BACH2: variants seen among roughly 807,000 people sequenced by gnomAD.
The protein encoded by BACH2 is transcription regulator protein BACH2.
BACH2 carries 5 observed loss-of-function variants against 61.8 expected under a neutral mutation model. The ratio of observed to expected loss-of-function variants is 0.08; its 90% CI spans 0.04 to 0.17. The LOEUF is 0.17. Among genes scored for constraint, BACH2 ranks in the 10% least tolerant of loss-of-function variants. The pLI, the probability that BACH2 is intolerant of heterozygous loss-of-function variation, is 1.00. For synonymous variants in BACH2, 446 were observed against 440.1 expected (o/e 1.01, Z -0.17); for missense variants, 824 against 1,091.1 (o/e 0.76, Z 3.45).
chr6:90,116,903 C>A (rs1160834897), intron 4 of BACH2: 1 of 558,810 alleles, frequency 1.8e-6, no homozygotes, highest in African/African-American at 2.0e-5. Context: ...TTTTTTCTGT[C>A]TTTTCTCTGA....
At chr6:90,221,421 T>A (rs1769730204) in intron 3 of BACH2, among the ~76,000 whole-genome samples, 1 of 152,274 alleles carries the variant, frequency 6.6e-6, no homozygotes, top group South Asian at 2.1e-4. Flanking sequence ...ATGATCAAGG[T>A]CTGATGTATA....
rs55909084 is a variant in BACH2 at position 89,930,114 on chromosome 6, G to GACACACACACAC, written c.*2282_*2293dup. On this transcript the variant is annotated 3_prime_UTR_variant, in exon 9 of 9. Transcript: ENST00000257749. ...CAGAGCTTTATCAAGATCTGTTTCA[G>GACACACACACAC]ACACACACACACACACACACACACA... 5.4e-4 allele frequency: 64 copies of GACACACACACAC among 118,984 alleles called. 1 individual carries two copies. The highest frequency in any genetic ancestry group is 1.7e-3 in the African/African-American group (52 of 30,074). 7.4% of individuals were successfully genotyped at this position (118,984 alleles called of 1,614,324 possible).
At chr6:90,128,076 A>G (rs1356216158) in intron 4 of BACH2, among the ~76,000 whole-genome samples, 1 of 152,046 alleles carries the variant, frequency 6.6e-6, no homozygotes, top group African/African-American at 2.4e-5. Flanking sequence ...CAGGTGCCCA[A>G]AGAGCTCTTC....
At chr6:90,159,418 A>G (rs956667457) in intron 4 of BACH2, among the ~76,000 whole-genome samples, 2 of 152,250 alleles carry the variant, frequency 1.3e-5, no homozygotes, top group Non-Finnish European at 2.9e-5. Flanking sequence ...AAACATCCTA[A>G]AAGTAAAATA....
chr6:90,044,338 G>C (rs1384664768), intron 5 of BACH2, among the ~76,000 whole-genome samples: 2 of 152,172 alleles, frequency 1.3e-5, no homozygotes, highest in African/African-American at 2.4e-5. Flanking sequence ...GAAATAAACA[G>C]CTGGTTCAAT....
intron 3 of BACH2, among the ~76,000 whole-genome samples, chr6:90,210,247 C>T (rs571831463): frequency 2.0e-5 from 3 of 151,718 alleles, no homozygotes; most frequent in East Asian, 1.9e-4. Flanking sequence ...CATTTCAAGA[C>T]GCTATGGAAA....
intron 4 of BACH2, among the ~76,000 whole-genome samples, chr6:90,122,270 C>T (rs1582389547): frequency 6.6e-6 from 1 of 152,190 alleles, no homozygotes; most frequent in South Asian, 2.1e-4. Flanking sequence ...GAGAAACCTC[C>T]TCCTCAACTA....
chr6:90,060,663 G>T (rs2127798355), intron 5 of BACH2, among the ~76,000 whole-genome samples: 1 of 151,854 alleles, frequency 6.6e-6, no homozygotes, highest in African/African-American at 2.4e-5. Context: ...TAGTTTTGCT[G>T]ATTTTCACTC....
At chr6:90,267,967 A>G (rs912632230) in intron 2 of BACH2, among the ~76,000 whole-genome samples, 1 of 151,944 alleles carries the variant, frequency 6.6e-6, no homozygotes, top group African/African-American at 2.4e-5. Flanking sequence ...TAAAATAGAA[A>G]AAGTTTAAGT....
chr6:90,260,344 T>C (rs1771116670), intron 2 of BACH2, among the ~76,000 whole-genome samples: 1 of 152,242 alleles, frequency 6.6e-6, no homozygotes, highest in South Asian at 2.1e-4. Context: ...ATGTTCCAGA[T>C]ATTTGTGAAT....
At position 90,015,268 on chromosome 6, in the gene BACH2, T is replaced by C. The variant is rs568369447; in HGVS notation, c.-12-6412A>G. Reference sequence around the variant, plus strand: ...AGTTTTTTTAAATTATTCTATTTTCTAGTTTGCTGATCTCTATTCTCATTG... The same window carrying C: ...AGTTTTTTTAAATTATTCTATTTTCCAGTTTGCTGATCTCTATTCTCATTG... On this transcript the variant is annotated intron_variant, in intron 5 of 8. Coordinates refer to ENST00000257749, the MANE Select transcript of BACH2 (RefSeq NM_021813.4). 3.5e-4 allele frequency among the ~76,000 whole-genome samples: 53 copies of C among 152,284 alleles called. No homozygotes were observed. The Middle Eastern group carries it at 0.017, about 49-fold the overall frequency.
chr6:90,183,388 C>T (rs901082736), intron 4 of BACH2, among the ~76,000 whole-genome samples: 1 of 152,208 alleles, frequency 6.6e-6, no homozygotes, highest in Non-Finnish European at 1.5e-5. Flanking sequence ...AAACTGTTGA[C>T]TGGCTGTAGG....
At chr6:90,110,357 T>C (rs1281228240) in intron 4 of BACH2, among the ~76,000 whole-genome samples, 3 of 152,254 alleles carry the variant, frequency 2.0e-5, no homozygotes, top group African/African-American at 4.8e-5. Context: ...TATTGGTCTA[T>C]CTTGCGCTTT....
At chr6:90,128,863 C>A (rs963195167) in intron 4 of BACH2, among the ~76,000 whole-genome samples, 1 of 152,086 alleles carries the variant, frequency 6.6e-6, no homozygotes, top group African/African-American at 2.4e-5. Context: ...ACATATACAC[C>A]ATGGAATACT....
chr6:90,229,293 T>C (rs1010233958), intron 3 of BACH2, among the ~76,000 whole-genome samples: 13 of 152,146 alleles, frequency 8.5e-5, no homozygotes, highest in African/African-American at 3.1e-4. Context: ...ACCCCGTCTA[T>C]ACTAAAAATA....
At chr6:90,262,086 C>A (rs1309325140) in intron 2 of BACH2, among the ~76,000 whole-genome samples, 1 of 152,182 alleles carries the variant, frequency 6.6e-6, no homozygotes, top group Non-Finnish European at 1.5e-5. Context: ...CCACTGACTA[C>A]AGGATGAAGG....
chr6:89,991,467 G>A (rs775700069), intron 6 of BACH2, among the ~76,000 whole-genome samples: 6 of 152,014 alleles, frequency 3.9e-5, no homozygotes, highest in African/African-American at 7.3e-5. Flanking sequence ...TCACGTAAGC[G>A]TGCACGCGCA....
chr6:90,284,395 C>T (rs1647779656), intron 1 of BACH2, among the ~76,000 whole-genome samples: 2 of 152,208 alleles, frequency 1.3e-5, no homozygotes, highest in East Asian at 3.9e-4. Context: ...GTTAACCTTC[C>T]TCTTGGAATC....
chr6:90,009,415 A>G (rs917311308), intron 5 of BACH2, among the ~76,000 whole-genome samples: 1 of 152,210 alleles, frequency 6.6e-6, no homozygotes, highest in Non-Finnish European at 1.5e-5. Flanking sequence ...CACACTGAAG[A>G]CTCAGTAGAG....
Sources: gnomAD v4.1 joint callset for allele counts (sites outside exome capture counted in the v4.1 genomes callset) on GRCh38, gnomAD v4.1.1 for gene constraint, MANE v1.5 for transcripts, NCBI Gene and HGNC (gene_info 2026-07-23, HGNC 2026-07-21) for gene names.